The following PPM1D variants were observed in gnomAD, a reference collection of about 807,000 sequenced individuals.
The protein encoded by PPM1D is protein phosphatase 1D.
A neutral mutation model predicts 58.3 loss-of-function variants in PPM1D; 52 were observed. The ratio of observed to expected loss-of-function variants is 0.89; its 90% CI spans 0.71 to 1.12. The LOEUF (loss-of-function observed/expected upper bound fraction) is 1.12. Ranked by LOEUF, PPM1D falls within the 50% of genes most tolerant of loss-of-function variation. The pLI is 0.00. For missense variants in PPM1D, 564 were observed against 777.2 expected (o/e 0.73, Z 3.26); for synonymous variants, 278 against 285.1 (o/e 0.98, Z 0.25).
intron 1 of PPM1D, among the ~76,000 whole-genome samples, chr17:60,606,604 AT>A (rs2030334741): frequency 6.6e-6 from 1 of 152,014 alleles, no homozygotes; most frequent in East Asian, 1.9e-4. Context: ...ACTGTCTTAC[AT>A]TTTAAAATTA....
At chr17:60,606,055 AAT>A (rs1359443719) in intron 1 of PPM1D, among the ~76,000 whole-genome samples, 4 of 152,220 alleles carry the variant, frequency 2.6e-5, no homozygotes, top group Non-Finnish European at 4.4e-5. Context: ...TCCATTAAAT[AAT>A]ATCTCATTGT....
At position 60,600,956 on chromosome 17, in the gene PPM1D, C is replaced by G. The variant is rs1598396769; in HGVS notation, c.472+70C>G. The G allele has an allele frequency of 1.3e-5, 20 of 1,594,048 alleles. No homozygotes were observed. The East Asian group carries it at 4.3e-4, about 34-fold the overall frequency. On this transcript the variant is annotated intron_variant, in intron 1 of 5. Transcript: ENST00000305921. ...TTCAGGGCTTTTATGGCACCAGCCC[C>G]GCGTGGGCCCCCGGCACCCAGAGCG...
chr17:60,601,533 A>G (rs2030211718), intron 1 of PPM1D, among the ~76,000 whole-genome samples: 1 of 152,122 alleles, frequency 6.6e-6, no homozygotes, highest in Non-Finnish European at 1.5e-5. Flanking sequence ...ACGTGTTGTT[A>G]CCTCTTAAAA....
Position 60,624,115 on chromosome 17 carries a change from C to T in PPM1D, c.701+366C>T, listed in dbSNP as rs528453003. Among the ~76,000 whole-genome samples the T allele has an allele frequency of 1.2e-3, 187 of 152,238 alleles. 2 individuals are homozygous for T. Among genetic ancestry groups the T allele is most frequent in the African/African-American group, 4.3e-3 (177 of 41,542 alleles). On this transcript the variant is annotated intron_variant, in intron 2 of 5. Transcript: ENST00000305921. ...GGGAAAAAGATTAAGTTAGAATTAACCTTCAGCTTTTTTCATTGATTTCAG... is the reference window on the plus strand; with the variant it reads ...GGGAAAAAGATTAAGTTAGAATTAATCTTCAGCTTTTTTCATTGATTTCAG...
At chr17:60,637,803 G>A (rs1399749385) in intron 3 of PPM1D, among the ~76,000 whole-genome samples, 4 of 152,196 alleles carry the variant, frequency 2.6e-5, no homozygotes, top group Admixed American at 1.3e-4. Context: ...ATCTAAAAGA[G>A]TTAGGGGATG....
chr17:60,642,449 G>A (rs2031154448), intron 3 of PPM1D, among the ~76,000 whole-genome samples: 1 of 149,038 alleles, frequency 6.7e-6, no homozygotes, highest in Non-Finnish European at 1.5e-5. Context: ...AGCAGATTCA[G>A]AGAGACTCCA....
intron 3 of PPM1D, among the ~76,000 whole-genome samples, chr17:60,647,042 T>C (rs2031262691): frequency 6.6e-6 from 1 of 152,212 alleles, no homozygotes; most frequent in Non-Finnish European, 1.5e-5. Context: ...TAGGATAAGT[T>C]CTCATCTTGT....
intron 1 of PPM1D, among the ~76,000 whole-genome samples, chr17:60,612,523 G>T (rs2143633576): frequency 6.6e-6 from 1 of 152,264 alleles, no homozygotes; most frequent in Middle Eastern, 3.4e-3. Context: ...GTAGGAGACT[G>T]TCCTTGTGTG....
chr17:60,642,832 C>T (rs960497045), intron 3 of PPM1D, among the ~76,000 whole-genome samples: 6 of 151,938 alleles, frequency 3.9e-5, no homozygotes, highest in Non-Finnish European at 5.9e-5. Context: ...TTTGGAAGGC[C>T]GAGGTGGGCG....
At chr17:60,604,886 T>G (rs189072363) in intron 1 of PPM1D, 1 of 152,266 alleles carries the variant, frequency 6.6e-6, no homozygotes, top group African/African-American at 2.4e-5. Context: ...TGGCACAATT[T>G]CAGCTCACTG....
rs1471266170 is a variant in PPM1D at position 60,626,962 on chromosome 17, G to A, written c.701+3213G>A. Among the ~76,000 whole-genome samples, 3 of 151,770 alleles carry A rather than the reference G, an allele frequency of 2.0e-5. No homozygotes were observed. The East Asian group carries it at 5.8e-4, about 29-fold the overall frequency. On this transcript the variant is annotated intron_variant, in intron 2 of 5. Coordinates refer to ENST00000305921, the MANE Select transcript of PPM1D (RefSeq NM_003620.4). Reference sequence around the variant, plus strand: ...TTTAATATTTATTATTCATTTTGGGGGATTGTTGTTAGCCATTTTTTTCCC... The same window carrying A: ...TTTAATATTTATTATTCATTTTGGGAGATTGTTGTTAGCCATTTTTTTCCC...
chr17:60,649,558 A>G (rs2143705586), intron 4 of PPM1D, among the ~76,000 whole-genome samples: 1 of 151,958 alleles, frequency 6.6e-6, no homozygotes, highest in African/African-American at 2.4e-5. Context: ...GTGTGGTGGC[A>G]CTCGCCTATA....
chr17:60,635,105 T>C (rs535386282), intron 3 of PPM1D, among the ~76,000 whole-genome samples: 244 of 152,298 alleles, frequency 1.6e-3, no homozygotes, highest in Non-Finnish European at 2.6e-3. Context: ...TTGTTTCCAA[T>C]GTGAAACTAA....
rs763016447 is a variant in PPM1D at position 60,623,521 on chromosome 17, C to A, written c.473C>A (p.Ala158Glu). 13 of 1,603,236 alleles carry A rather than the reference C, an allele frequency of 8.1e-6. No homozygotes were observed. Among genetic ancestry groups the A allele is most frequent in the Non-Finnish European group, 9.4e-6 (11 of 1,172,432 alleles). Reference protein sequence around the residue: ...ACHLAMWKKLAEWPKTMTGLP... With the variant: ...ACHLAMWKKLEEWPKTMTGLP... ...TGAAATATTTTATTTCTTATTACAGCGGAATGGCCAAAGACTATGACGGGT... is the reference window on the plus strand; with the variant it reads ...TGAAATATTTTATTTCTTATTACAGAGGAATGGCCAAAGACTATGACGGGT... The change falls in exon 2 of 6, where the codon GCG (alanine) becomes GAG (glutamate). Residue 158 changes from alanine to glutamate, a missense_variant and splice_region_variant. This residue lies in a region of PPM1D where 95 missense variants were observed against 232.6 expected (regional missense o/e 0.41). Coordinates refer to ENST00000305921, the MANE Select transcript of PPM1D (RefSeq NM_003620.4).
rs544614194 is a variant in PPM1D, at chr17:60,645,646, G to GTATATA, written c.827-2237_827-2232dup. ...TATGTATATGTATATGTGTGTGTGT[G>GTATATA]TATATATATATATACACACACACAC... On this transcript the variant is annotated intron_variant, in intron 3 of 5. Transcript: ENST00000305921. 1.2e-3 allele frequency among the ~76,000 whole-genome samples: 157 copies of GTATATA among 126,592 alleles called. 3 individuals are homozygous for GTATATA. Among genetic ancestry groups the GTATATA allele is most frequent in the African/African-American group, 4.8e-3 (138 of 29,044 alleles). The allele number at this position is 126,592 out of a possible 152,430, so 83.0% of individuals were successfully genotyped here.
At chr17:60,615,206 G>C (rs924857617) in intron 1 of PPM1D, among the ~76,000 whole-genome samples, 1 of 152,046 alleles carries the variant, frequency 6.6e-6, no homozygotes, top group Non-Finnish European at 1.5e-5. Context: ...AGACCAGCCT[G>C]GGCAACATAG....
chr17:60,630,218 A>G (rs1003468260), intron 2 of PPM1D, among the ~76,000 whole-genome samples: 4 of 152,020 alleles, frequency 2.6e-5, no homozygotes, highest in African/African-American at 4.8e-5. Flanking sequence ...AAATGAACAA[A>G]AAAGGAAATA....
chr17:60,619,553 G>GTTA (rs2030655975), intron 1 of PPM1D, among the ~76,000 whole-genome samples: 1 of 152,044 alleles, frequency 6.6e-6, no homozygotes, highest in East Asian at 1.9e-4. Context: ...CTTGTTTACT[G>GTTA]TTATCTTTTT....
chr17:60,638,930 G>A (rs1334683204), intron 3 of PPM1D, among the ~76,000 whole-genome samples: 1 of 152,004 alleles, frequency 6.6e-6, no homozygotes. Flanking sequence ...GCCCTCTAGT[G>A]GCTGCCTGCT....
Sources: allele counts gnomAD v4.1 joint callset (sites outside exome capture counted in the v4.1 genomes callset), GRCh38; gene constraint gnomAD v4.1.1; regional missense constraint gnomAD v4.1.1; transcripts MANE v1.5; gene names NCBI Gene and HGNC (gene_info 2026-07-23, HGNC 2026-07-21).